KATNBL1: variants seen among roughly 807,000 people sequenced by gnomAD.
KATNBL1 encodes the protein katanin regulatory subunit B1 like 1.
KATNBL1 carries 28 observed loss-of-function variants against 44.7 expected under a neutral mutation model. The ratio of observed to expected loss-of-function variants is 0.63; its 90% CI spans 0.46 to 0.86. KATNBL1 has a LOEUF of 0.86. Ranked by LOEUF, KATNBL1 falls within the 40% of genes least tolerant of loss-of-function variation. The pLI, the probability that KATNBL1 is intolerant of heterozygous loss-of-function variation, is 0.00. For synonymous variants in KATNBL1, 78 were observed against 114.9 expected (o/e 0.68, Z 2.06); for missense variants, 272 against 350.7 (o/e 0.78, Z 1.79).
chr15:34,210,059 T>C lies in KATNBL1; in HGVS notation c.-123A>G, dbSNP rs1890399921. On this transcript the variant is annotated 5_prime_UTR_variant, in exon 1 of 10. An upstream start codon of the reference 5' UTR is lost. Transcript: ENST00000256544. The stretch of plus-strand genomic sequence containing the variant: ...CTGGGCCGAGTCCCACTCAGGGCCA[T>C]TCAAACGCGGCCGCGCGCGCGGCCC... 2 of 150,284 alleles carry C rather than the reference T, an allele frequency of 1.3e-5. No homozygotes were observed. Among genetic ancestry groups the C allele is most frequent in the Non-Finnish European group, 3.0e-5 (2 of 67,458 alleles). The allele number at this position is 150,284 out of a possible 1,614,324, so 9.3% of individuals were successfully genotyped here.
chr15:34,180,850 C>A (rs551157438), intron 1 of KATNBL1, among the ~76,000 whole-genome samples: 6 of 152,092 alleles, frequency 3.9e-5, no homozygotes, highest in African/African-American at 1.4e-4. Flanking sequence ...GTCACTTGAG[C>A]CCAGGAGTTC....
chr15:34,147,601 C>T lies in KATNBL1; in HGVS notation c.558-171G>A, dbSNP rs559182293. Among the ~76,000 whole-genome samples the T allele has an allele frequency of 2.7e-5, 4 of 150,754 alleles. No homozygotes were observed. In the South Asian group the frequency reaches 6.3e-4, roughly 24 times the overall value. Reference sequence around the variant, plus strand: ...TGAACAAAGACACAGGGCTTGTATTCCAGTGTGTGAGCAACTGTGGGGGTT... The same window carrying T: ...TGAACAAAGACACAGGGCTTGTATTTCAGTGTGTGAGCAACTGTGGGGGTT... On this transcript the variant is annotated intron_variant, in intron 5 of 9. Coordinates refer to ENST00000256544, the MANE Select transcript of KATNBL1 (RefSeq NM_024713.3).
intron 1 of KATNBL1, among the ~76,000 whole-genome samples, chr15:34,184,199 G>A (rs1039304553): frequency 2.0e-5 from 3 of 151,998 alleles, no homozygotes; most frequent in Non-Finnish European, 4.4e-5. Context: ...CCAGCTACTC[G>A]GGAGGCTGAG....
At chr15:34,158,602 G>A (rs1490533178) in intron 2 of KATNBL1, among the ~76,000 whole-genome samples, 4 of 152,002 alleles carry the variant, frequency 2.6e-5, no homozygotes, top group Non-Finnish European at 5.9e-5. Flanking sequence ...CTTGGCCTTT[G>A]AAGACCTTGT....
intron 2 of KATNBL1, among the ~76,000 whole-genome samples, chr15:34,160,830 C>T (rs1310859895): frequency 6.6e-6 from 1 of 152,100 alleles, no homozygotes; most frequent in Non-Finnish European, 1.5e-5. Context: ...ATTTCCCCTA[C>T]TGGAAATTTT....
chr15:34,146,763 A>G lies in KATNBL1; in HGVS notation c.786T>C (p.Asp262=). 6.4e-7 allele frequency: 1 copy of G among 1,571,982 alleles called. No individual in the cohort carries two copies. The highest frequency in any genetic ancestry group is 8.8e-7 in the Non-Finnish European group (1 of 1,142,058). The change falls in exon 8 of 10, where the codon GAT becomes GAC. Residue 262 remains aspartate, a splice_region_variant and synonymous_variant. Transcript: ENST00000256544. ...ELSSKTEIIN[D]GNIQILKQQL... ...TTTATCTTTAAAGGTATACTCACCC[A>G]TCATTTATAATTTCTGTTTTGGATG...
intron 2 of KATNBL1, among the ~76,000 whole-genome samples, chr15:34,157,760 A>AT (rs1381610736): frequency 6.6e-6 from 1 of 151,878 alleles, no homozygotes; most frequent in Non-Finnish European, 1.5e-5. Flanking sequence ...AGTTTGGTTC[A>AT]TTTTTTTCCC....
chr15:34,150,959 T>A (rs1358736634), intron 4 of KATNBL1, among the ~76,000 whole-genome samples: 1 of 152,204 alleles, frequency 6.6e-6, no homozygotes, highest in African/African-American at 2.4e-5. Flanking sequence ...TATGGCTGCA[T>A]ATAGTATTCC....
At chr15:34,150,223 G>C (rs965974500) in intron 4 of KATNBL1, among the ~76,000 whole-genome samples, 1 of 152,224 alleles carries the variant, frequency 6.6e-6, no homozygotes, top group Non-Finnish European at 1.5e-5. Context: ...AGAATGTAAA[G>C]TAAAAAGAGG....
At chr15:34,174,270 T>C (rs1328317847) in intron 1 of KATNBL1, among the ~76,000 whole-genome samples, 1 of 152,214 alleles carries the variant, frequency 6.6e-6, no homozygotes, top group Non-Finnish European at 1.5e-5. Context: ...GTGATATGTA[T>C]AATGTAATAA....
intron 2 of KATNBL1, among the ~76,000 whole-genome samples, chr15:34,155,467 AT>A (rs1157342312): frequency 6.6e-6 from 1 of 152,208 alleles, no homozygotes; most frequent in Non-Finnish European, 1.5e-5. Context: ...AGAAGTAAGG[AT>A]GGTGGCTGTG....
chr15:34,144,346 A>T (rs1354522091), intron 9 of KATNBL1, among the ~76,000 whole-genome samples: 1 of 151,746 alleles, frequency 6.6e-6, no homozygotes, highest in East Asian at 1.9e-4. Flanking sequence ...TTTCCCCCTG[A>T]ATTCTAAGAA....
At chr15:34,165,327 T>G (rs1393403382) in intron 1 of KATNBL1, among the ~76,000 whole-genome samples, 1 of 151,698 alleles carries the variant, frequency 6.6e-6, no homozygotes, top group Non-Finnish European at 1.5e-5. Flanking sequence ...ATTTTTTTTT[T>G]CAAAAAAGGG....
chr15:34,143,145 A>G (rs1397454267), intron 9 of KATNBL1: 6 of 553,526 alleles, frequency 1.1e-5, no homozygotes, highest in Middle Eastern at 4.7e-4. Context: ...ATGGTACCTT[A>G]AAGTCATATT....
Position 34,146,843 on chromosome 15 carries a change from T to C in KATNBL1, c.706A>G (p.Ile236Val), listed in dbSNP as rs1439701619. ...GCTTGAAGCCAGTTTAAACCAACTA[T>C]AACATATCTGAAATGACATTTTGTT... ...LLKSKFEEYV[I>V]VGLNWLQAVI... Residue 236 changes from isoleucine (I) to valine (V), a missense_variant, in exon 8 of 10, where the codon ATA (isoleucine) becomes GTA (valine). Ile to Val is a conservative substitution (Grantham distance 29). Around this residue, in one of 3 missense-constraint regions of KATNBL1, gnomAD observed 111 missense variants for 149.3 expected, o/e 0.74. Transcript: ENST00000256544. 6.3e-7 allele frequency: 1 copy of C among 1,588,590 alleles called. No homozygotes were observed. The highest frequency in any genetic ancestry group is 8.6e-7 in the Non-Finnish European group (1 of 1,157,412).
At chr15:34,165,030 C>G (rs1388337330) in intron 1 of KATNBL1, among the ~76,000 whole-genome samples, 2 of 152,196 alleles carry the variant, frequency 1.3e-5, no homozygotes, top group Admixed American at 6.5e-5. Flanking sequence ...TAATGGACAA[C>G]CCTTCCACCT....
At chr15:34,162,007 T>C (rs1277554464) in intron 2 of KATNBL1, among the ~76,000 whole-genome samples, 1 of 152,228 alleles carries the variant, frequency 6.6e-6, no homozygotes, top group East Asian at 1.9e-4. Context: ...CATTAATAGT[T>C]ATGTAAATTT....
intron 2 of KATNBL1, among the ~76,000 whole-genome samples, chr15:34,157,576 G>A (rs368975070): frequency 1.4e-4 from 21 of 152,210 alleles, no homozygotes; most frequent in African/African-American, 4.1e-4. Context: ...CTTTTGTTTC[G>A]AACATGGGAA....
At chr15:34,153,124 A>G in intron 3 of KATNBL1, 55 bp from the exon 4 acceptor site, 1 of 1,330,006 alleles carries the variant, frequency 7.5e-7, no homozygotes, top group Admixed American at 2.3e-5. Flanking sequence ...AATCCTTTAA[A>G]AGTTTTTAAA....
Sources: allele counts gnomAD v4.1 joint callset (sites outside exome capture counted in the v4.1 genomes callset), GRCh38; gene constraint gnomAD v4.1.1; regional missense constraint gnomAD v4.1.1; transcripts MANE v1.5; gene names NCBI Gene and HGNC (gene_info 2026-07-23, HGNC 2026-07-21).